The following GALNT17 variants were observed in gnomAD, a reference collection of about 807,000 sequenced individuals.
GALNT17 encodes polypeptide N-acetylgalactosaminyltransferase 17.
Under a neutral mutation model 63.7 loss-of-function variants are expected in GALNT17, and 29 were observed. The observed-to-expected ratio is 0.46, with a 90% CI of 0.34 to 0.62. The LOEUF (loss-of-function observed/expected upper bound fraction) is 0.62. GALNT17 is among the 20% of genes least tolerant of loss of function. GALNT17 has a pLI of 0.01. For synonymous variants in GALNT17, 305 were observed against 318.3 expected (o/e 0.96, Z 0.45); for missense variants, 603 against 799.6 (o/e 0.75, Z 2.97).
intron 6 of GALNT17, among the ~76,000 whole-genome samples, chr7:71,648,216 AT>A (rs974803118): frequency 6.6e-6 from 1 of 151,714 alleles, no homozygotes; most frequent in African/African-American, 2.4e-5. Context: ...TGTTCCATAC[AT>A]TATCTCATAT....
At chr7:71,198,222 C>T (rs1470023489) in intron 1 of GALNT17, among the ~76,000 whole-genome samples, 12 of 147,362 alleles carry the variant, frequency 8.1e-5, no homozygotes, top group Admixed American at 6.8e-4. Context: ...AAAAAGGATG[C>T]AAATACCAAC....
chr7:71,685,399 C>T (rs1791336996), intron 9 of GALNT17: 1 of 152,172 alleles, frequency 6.6e-6, no homozygotes, highest in Non-Finnish European at 1.5e-5. Flanking sequence ...CCGCCTCTTC[C>T]AAAGTCCAAC....
rs973115162 is a variant in GALNT17 at position 71,132,764 on chromosome 7, G to A, written c.-39G>A. 3.9e-6 allele frequency: 6 copies of A among 1,531,812 alleles called. No homozygotes were observed. Among genetic ancestry groups the A allele is most frequent in the Middle Eastern group, 1.7e-4 (1 of 5,880 alleles). The allele number at this position is 1,531,812 out of a possible 1,614,324, so 94.9% of individuals were successfully genotyped here. Reference sequence around the variant, plus strand: ...GCCCCGCGCCTCGCCGGAGCCCGAGGGGGCGCAGGTCCGGGGCGAGGGCCG... The same window carrying A: ...GCCCCGCGCCTCGCCGGAGCCCGAGAGGGCGCAGGTCCGGGGCGAGGGCCG... On this transcript the variant is annotated 5_prime_UTR_variant, in exon 1 of 11. Transcript: ENST00000333538.
intron 5 of GALNT17, among the ~76,000 whole-genome samples, chr7:71,523,784 T>G (rs911687853): frequency 7.0e-6 from 1 of 142,588 alleles, no homozygotes; most frequent in African/African-American, 2.6e-5. Context: ...AATAAATAAA[T>G]AATAAAGAAA....
intron 1 of GALNT17, among the ~76,000 whole-genome samples, chr7:71,331,288 G>T (rs530084639): frequency 6.6e-6 from 1 of 152,030 alleles, no homozygotes; most frequent in Non-Finnish European, 1.5e-5. Flanking sequence ...ATCACTGACC[G>T]CTGCCTTAAA....
intron 6 of GALNT17, among the ~76,000 whole-genome samples, chr7:71,662,383 G>A (rs986641188): frequency 4.0e-5 from 6 of 151,570 alleles, no homozygotes; most frequent in Middle Eastern, 6.8e-3. Context: ...TTTTATAATG[G>A]CTTTGTAGAT....
chr7:71,534,560 C>T (rs1236589815), intron 5 of GALNT17, among the ~76,000 whole-genome samples: 1 of 148,046 alleles, frequency 6.8e-6, no homozygotes, highest in African/African-American at 2.5e-5. Flanking sequence ...GATCGTGCCA[C>T]TGCACTCCAG....
intron 8 of GALNT17, among the ~76,000 whole-genome samples, chr7:71,673,498 A>G (rs1010179690): frequency 1.3e-5 from 2 of 152,220 alleles, no homozygotes; most frequent in Admixed American, 6.5e-5. Flanking sequence ...AGATACTTAT[A>G]ATTACCTTGG....
chr7:71,225,552 A>G (rs1448767104), intron 1 of GALNT17, among the ~76,000 whole-genome samples: 1 of 152,242 alleles, frequency 6.6e-6, no homozygotes, highest in Non-Finnish European at 1.5e-5. Flanking sequence ...ATTGAGCTGC[A>G]TGTTAGCTTT....
chr7:71,397,498 A>G (rs1793159383), intron 3 of GALNT17, among the ~76,000 whole-genome samples: 1 of 152,174 alleles, frequency 6.6e-6, no homozygotes, highest in Non-Finnish European at 1.5e-5. Flanking sequence ...GCCTGTAGTC[A>G]GAACATCCAA....
intron 1 of GALNT17, among the ~76,000 whole-genome samples, chr7:71,332,393 C>T (rs535181490): frequency 3.9e-5 from 6 of 152,200 alleles, no homozygotes; most frequent in South Asian, 2.1e-4. Context: ...ATCCTGTGCA[C>T]GCTTGAGCTC....
At chr7:71,621,599 T>C (rs116547284) in intron 6 of GALNT17, among the ~76,000 whole-genome samples, 2,705 of 98,478 alleles carry the variant, frequency 0.027, 88 homozygotes, top group African/African-American at 0.075. Flanking sequence ...GGACAGACAA[T>C]GGATAAAAAT....
chr7:71,458,019 G>T (rs1042919218), intron 5 of GALNT17, among the ~76,000 whole-genome samples: 17 of 151,984 alleles, frequency 1.1e-4, no homozygotes, highest in Admixed American at 1.0e-3. Context: ...TTGAAGCCAC[G>T]CTGTGTTTCC....
intron 1 of GALNT17, among the ~76,000 whole-genome samples, chr7:71,251,376 G>A (rs924879482): frequency 6.6e-6 from 1 of 152,194 alleles, no homozygotes; most frequent in Admixed American, 6.5e-5. Flanking sequence ...AAGAATTAGT[G>A]TTACTGGCAG....
At chr7:71,572,667 T>G (rs1584060247) in intron 6 of GALNT17, among the ~76,000 whole-genome samples, 2 of 152,244 alleles carry the variant, frequency 1.3e-5, no homozygotes, top group East Asian at 3.9e-4. Context: ...GAAGATTTAA[T>G]TTAAGATCTA....
At chr7:71,514,057 T>A (rs1788408474) in intron 5 of GALNT17, among the ~76,000 whole-genome samples, 1 of 152,162 alleles carries the variant, frequency 6.6e-6, no homozygotes, top group Admixed American at 6.5e-5. Flanking sequence ...TAGCCGGGCA[T>A]GGTGGCATGT....
chr7:71,382,234 G>A (rs10281457), intron 2 of GALNT17, among the ~76,000 whole-genome samples: 11,405 of 152,062 alleles, frequency 0.075, 1,333 homozygotes, highest in African/African-American at 0.25. Flanking sequence ...AGAAAAATTA[G>A]CCGGGTGTGG....
At chr7:71,625,747 T>C (rs1790364747) in intron 6 of GALNT17, among the ~76,000 whole-genome samples, 1 of 152,154 alleles carries the variant, frequency 6.6e-6, no homozygotes, top group Admixed American at 6.5e-5. Context: ...AGTCTGTGTT[T>C]CTCTGAGACT....
intron 1 of GALNT17, among the ~76,000 whole-genome samples, chr7:71,222,520 G>C (rs1789606062): frequency 6.6e-6 from 1 of 152,010 alleles, no homozygotes; most frequent in African/African-American, 2.4e-5. Context: ...TTGAACTCCT[G>C]ATCTCAAGCA....
Sources: gnomAD v4.1 joint callset for allele counts (sites outside exome capture counted in the v4.1 genomes callset) on GRCh38, gnomAD v4.1.1 for gene constraint, MANE v1.5 for transcripts, NCBI Gene and HGNC (gene_info 2026-07-23, HGNC 2026-07-21) for gene names.